Variants in SLC1A1 observed in about 807,000 individuals in gnomAD.
SLC1A1 encodes the protein solute carrier family 1 member 1.
Under a neutral mutation model 53.3 loss-of-function variants are expected in SLC1A1, and 43 were observed. That is an observed-to-expected ratio of 0.81 (90% CI 0.63 to 1.04). The LOEUF (loss-of-function observed/expected upper bound fraction) is 1.04, where lower values mean the gene tolerates loss of function less well. Ranked by LOEUF, SLC1A1 falls within the 50% of genes least tolerant of loss-of-function variation. The pLI is 0.00. For missense variants in SLC1A1, 748 were observed against 664.9 expected (o/e 1.12, Z -1.37); for synonymous variants, 307 against 243.2 (o/e 1.26, Z -2.44).
chr9:4,521,100 G>A (rs541951424), intron 1 of SLC1A1, among the ~76,000 whole-genome samples: 9 of 151,926 alleles, frequency 5.9e-5, no homozygotes, highest in Non-Finnish European at 1.0e-4. Flanking sequence ...CAAATATTTT[G>A]TCTATTTTTA....
chr9:4,539,989 A>G (rs1419224371), intron 1 of SLC1A1, among the ~76,000 whole-genome samples: 1 of 152,228 alleles, frequency 6.6e-6, no homozygotes, highest in African/African-American at 2.4e-5. Context: ...GCCTGGACCC[A>G]TGGCCCAAAG....
intron 1 of SLC1A1, among the ~76,000 whole-genome samples, chr9:4,515,021 C>G (rs2130820033): frequency 6.6e-6 from 1 of 152,128 alleles, no homozygotes; most frequent in African/African-American, 2.4e-5. Flanking sequence ...GACTCTCTCT[C>G]TCCTCTTCTC....
At chr9:4,527,603 A>T (rs1451466398) in intron 1 of SLC1A1, among the ~76,000 whole-genome samples, 1 of 152,216 alleles carries the variant, frequency 6.6e-6, no homozygotes, top group African/African-American at 2.4e-5. Flanking sequence ...GGAGATAATC[A>T]AACCAGGTTC....
chr9:4,496,076 G>C (rs936822178), intron 1 of SLC1A1, among the ~76,000 whole-genome samples: 1 of 152,138 alleles, frequency 6.6e-6, no homozygotes, highest in African/African-American at 2.4e-5. Flanking sequence ...CTTTGGGAAT[G>C]AATGAACCTA....
At chr9:4,499,125 A>T (rs1820549693) in intron 1 of SLC1A1, among the ~76,000 whole-genome samples, 1 of 150,394 alleles carries the variant, frequency 6.6e-6, no homozygotes, top group Admixed American at 6.7e-5. Flanking sequence ...GCTCACTGCA[A>T]CCCCTGCCTC....
intron 10 of SLC1A1, 40 bp from the exon 11 acceptor site, chr9:4,582,998 G>T (rs375606221): frequency 9.3e-6 from 15 of 1,613,868 alleles, no homozygotes; most frequent in Non-Finnish European, 1.2e-5. Flanking sequence ...AACGGGAGAG[G>T]TAAGTGTCTA....
At chr9:4,523,504 T>C (rs1489403017) in intron 1 of SLC1A1, among the ~76,000 whole-genome samples, 4 of 152,216 alleles carry the variant, frequency 2.6e-5, no homozygotes, top group Non-Finnish European at 5.9e-5. Context: ...CAAAAGTTAA[T>C]ATTTCTCTAC....
intron 9 of SLC1A1, 119 bp from the exon 10 acceptor site, chr9:4,576,450 C>A: frequency 1.2e-6 from 1 of 840,208 alleles, no homozygotes; most frequent in East Asian, 2.5e-5. Context: ...CTTTACTTTT[C>A]TCGACAAGAT....
chr9:4,570,955 G>C (rs1819978309), intron 6 of SLC1A1, among the ~76,000 whole-genome samples: 1 of 151,842 alleles, frequency 6.6e-6, no homozygotes. Context: ...CACAGTAGTA[G>C]GTATTTGGCT....
intron 8 of SLC1A1, 151 bp downstream of exon 8, chr9:4,574,165 T>A: frequency 1.4e-6 from 1 of 699,356 alleles, no homozygotes; most frequent in Non-Finnish European, 2.6e-6. Flanking sequence ...GGAGGAGGGC[T>A]GCCCTTTAAC....
At chr9:4,534,855 C>T (rs976826782) in intron 1 of SLC1A1, among the ~76,000 whole-genome samples, 7 of 152,160 alleles carry the variant, frequency 4.6e-5, no homozygotes, top group Admixed American at 4.6e-4. Flanking sequence ...GAAGCTTATC[C>T]ACCATGATCT....
At chr9:4,555,469 T>A (rs965748467) in intron 2 of SLC1A1, among the ~76,000 whole-genome samples, 2 of 152,232 alleles carry the variant, frequency 1.3e-5, no homozygotes, top group African/African-American at 4.8e-5. Flanking sequence ...ACTGCTTCCT[T>A]TGGAGTGTTT....
rs528701968 is a variant in SLC1A1, at chr9:4,509,995, G to A, written c.91+19225G>A. 3.3e-5 allele frequency among the ~76,000 whole-genome samples: 5 copies of A among 152,132 alleles called. No homozygotes were observed. In the East Asian group the frequency reaches 7.7e-4, roughly 24 times the overall value. On this transcript the variant is annotated intron_variant, in intron 1 of 11. Coordinates refer to ENST00000262352, the MANE Select transcript of SLC1A1 (RefSeq NM_004170.6). ...ATTACAGGCATGTGCCACCATGCCT[G>A]GCTAATTTTTTCATTTTTAGTAGAA... is the stretch of plus-strand genomic sequence containing the variant.
chr9:4,579,409 C>T (rs998067844), intron 10 of SLC1A1, among the ~76,000 whole-genome samples: 6 of 152,176 alleles, frequency 3.9e-5, no homozygotes, highest in African/African-American at 1.4e-4. Context: ...TATGAAGTGC[C>T]TATTCTTTTG....
At chr9:4,548,519 A>T (rs1817669223) in intron 2 of SLC1A1, among the ~76,000 whole-genome samples, 1 of 152,180 alleles carries the variant, frequency 6.6e-6, no homozygotes, top group South Asian at 2.1e-4. Flanking sequence ...TAGAAAAAAA[A>T]ATTCTGCCAT....
At chr9:4,552,787 T>C (rs1818041419) in intron 2 of SLC1A1, among the ~76,000 whole-genome samples, 1 of 151,544 alleles carries the variant, frequency 6.6e-6, no homozygotes, top group Non-Finnish European at 1.5e-5. Context: ...ATAATAATAA[T>C]GTTTCATAGA....
chr9:4,576,329 G>C (rs1404978144), intron 9 of SLC1A1, among the ~76,000 whole-genome samples: 1 of 152,224 alleles, frequency 6.6e-6, no homozygotes, highest in South Asian at 2.1e-4. Flanking sequence ...GCTCAGGAAG[G>C]GGTTATGGAA....
At chr9:4,496,649 C>A (rs935238207) in intron 1 of SLC1A1, among the ~76,000 whole-genome samples, 1 of 151,224 alleles carries the variant, frequency 6.6e-6, no homozygotes, top group Non-Finnish European at 1.5e-5. Context: ...AATCCCAGCA[C>A]TTTGGGAGGT....
At chr9:4,508,824 G>A (rs1038697966) in intron 1 of SLC1A1, among the ~76,000 whole-genome samples, 3 of 152,134 alleles carry the variant, frequency 2.0e-5, no homozygotes, top group Non-Finnish European at 2.9e-5. Flanking sequence ...GTCCTGGTTC[G>A]GCTCAATGCA....
Sources: gnomAD v4.1 joint callset for allele counts (sites outside exome capture counted in the v4.1 genomes callset) on GRCh38, gnomAD v4.1.1 for gene constraint, MANE v1.5 for transcripts, NCBI Gene and HGNC (gene_info 2026-07-23, HGNC 2026-07-21) for gene names.